Variants in ROBO2 observed in about 807,000 individuals in gnomAD.
The protein encoded by ROBO2 is roundabout guidance receptor 2.
A neutral mutation model predicts 160.8 loss-of-function variants in ROBO2; 53 were observed. That is an observed-to-expected ratio of 0.33 (90% CI 0.26 to 0.41). ROBO2 has a LOEUF of 0.41. Among genes scored for constraint, ROBO2 ranks in the 10% least tolerant of loss-of-function variants. The probability of loss-of-function intolerance (pLI) is 1.00; values close to 1 mark genes in which losing one functional copy is unlikely to be tolerated. For missense variants in ROBO2, 1,577 were observed against 1,722.4 expected, an observed-to-expected ratio of 0.92 and a Z score of 1.49; for synonymous variants, 664 against 611.7, an observed-to-expected ratio of 1.09 and a Z score of -1.26.
chr3:76,459,979 T>C (rs1388378994), intron 2 of ROBO2, among the ~76,000 whole-genome samples: 1 of 152,134 alleles, frequency 6.6e-6, no homozygotes, highest in African/African-American at 2.4e-5. Context: ...GAGAAGTATA[T>C]GAATGTAAGA....
At chr3:76,580,342 G>GTTTTTTTTTTTTTTTTTTT (rs71101901) in intron 2 of ROBO2, among the ~76,000 whole-genome samples, 3 of 90,560 alleles carry the variant, frequency 3.3e-5, no homozygotes, top group Non-Finnish European at 4.1e-5. Flanking sequence ...TTTTTTTTGT[G>GTTTTTTTTTTTTTTTTTTT]TTTTTTTTTT....
intron 2 of ROBO2, among the ~76,000 whole-genome samples, chr3:76,837,649 A>G (rs2067827149): frequency 6.6e-6 from 1 of 151,772 alleles, no homozygotes; most frequent in African/African-American, 2.4e-5. Flanking sequence ...ATATATTATT[A>G]ATATCGTTGT....
intron 2 of ROBO2, among the ~76,000 whole-genome samples, chr3:76,037,268 T>C (rs1359794325): frequency 2.0e-5 from 3 of 151,134 alleles, no homozygotes; most frequent in Non-Finnish European, 2.9e-5. Flanking sequence ...TTCTTTTTTT[T>C]TTTTTTTTAG....
At chr3:76,814,119 A>G (rs1417379039) in intron 2 of ROBO2, among the ~76,000 whole-genome samples, 2 of 152,152 alleles carry the variant, frequency 1.3e-5, no homozygotes, top group African/African-American at 4.8e-5. Context: ...AAAACGAAGT[A>G]TCCGTCTGGT....
intron 2 of ROBO2, among the ~76,000 whole-genome samples, chr3:75,960,045 T>G (rs1405195331): frequency 6.6e-6 from 1 of 151,718 alleles, no homozygotes; most frequent in Non-Finnish European, 1.5e-5. Flanking sequence ...AGTGAGGAGA[T>G]GCGAGCACCC....
At chr3:76,556,687 T>A (rs2083814489) in intron 2 of ROBO2, among the ~76,000 whole-genome samples, 1 of 152,144 alleles carries the variant, frequency 6.6e-6, no homozygotes, top group Admixed American at 6.5e-5. Flanking sequence ...GCCTTAGTTA[T>A]CAAAAGAAAT....
intron 2 of ROBO2, among the ~76,000 whole-genome samples, chr3:76,371,810 G>C (rs1034954232): frequency 1.3e-5 from 2 of 151,812 alleles, no homozygotes; most frequent in South Asian, 2.1e-4. Flanking sequence ...AATTTACTAA[G>C]GAATTCACAT....
intron 2 of ROBO2, among the ~76,000 whole-genome samples, chr3:76,203,493 T>C (rs1431508916): frequency 6.7e-6 from 1 of 149,058 alleles, no homozygotes; most frequent in Non-Finnish European, 1.5e-5. Context: ...AGATCACAGG[T>C]CAGGGTTCTA....
At position 77,248,720 on chromosome 3, in the gene ROBO2, C is replaced by T. The variant is rs1248715634; in HGVS notation, c.388+150380C>T. 5.3e-5 allele frequency among the ~76,000 whole-genome samples: 8 copies of T among 151,122 alleles called. No individual in the cohort carries two copies. In the East Asian group the frequency reaches 7.8e-4, roughly 15 times the overall value. Reference sequence around the variant, plus strand: ...GGGCCTGTGAGGTCCAGGGCCTGTGCGCTCCAGTTCCCGCCCACGAAGGGG... The same window carrying T: ...GGGCCTGTGAGGTCCAGGGCCTGTGTGCTCCAGTTCCCGCCCACGAAGGGG... On this transcript the variant is annotated intron_variant, in intron 2 of 25. Transcript: ENST00000461745.
intron 2 of ROBO2, among the ~76,000 whole-genome samples, chr3:76,174,653 G>A (rs2073162986): frequency 6.6e-6 from 1 of 152,116 alleles, no homozygotes; most frequent in Non-Finnish European, 1.5e-5. Context: ...TCTCAGGTTT[G>A]TCAAAGATCA....
intron 2 of ROBO2, among the ~76,000 whole-genome samples, chr3:76,035,204 T>C (rs201277276): frequency 1.4e-5 from 2 of 145,626 alleles, no homozygotes; most frequent in African/African-American, 2.7e-5. Flanking sequence ...TTTTTTTTTT[T>C]CTAAATCCTC....
At chr3:77,175,468 A>G (rs545484164) in intron 2 of ROBO2, among the ~76,000 whole-genome samples, 16 of 152,140 alleles carry the variant, frequency 1.1e-4, no homozygotes, top group Middle Eastern at 6.8e-3. Flanking sequence ...TTTAATTGGC[A>G]CACGATGAGG....
chr3:77,327,828 T>C (rs528381317), intron 2 of ROBO2, among the ~76,000 whole-genome samples: 245 of 152,106 alleles, frequency 1.6e-3, no homozygotes, highest in African/African-American at 5.7e-3. Context: ...GGTGGGTCGA[T>C]CACCTGAGGT....
chr3:76,876,703 G>T (rs745401901), intron 2 of ROBO2, among the ~76,000 whole-genome samples: 3 of 151,906 alleles, frequency 2.0e-5, no homozygotes, highest in Non-Finnish European at 4.4e-5. Flanking sequence ...TATCTTGAAG[G>T]TTAATTGTGA....
At chr3:76,410,085 C>T (rs1459487427) in intron 2 of ROBO2, among the ~76,000 whole-genome samples, 1 of 152,024 alleles carries the variant, frequency 6.6e-6, no homozygotes. Flanking sequence ...AAATCATAAT[C>T]TCAGTGTATT....
chr3:77,489,164 A>G (rs555538931), intron 4 of ROBO2, among the ~76,000 whole-genome samples: 82 of 152,332 alleles, frequency 5.4e-4, no homozygotes, highest in African/African-American at 1.9e-3. Flanking sequence ...TGGACAGCAC[A>G]TCCTAATACC....
rs142569296 is a variant in ROBO2 at position 76,806,850 on chromosome 3, A to C, written c.110-291164A>C. On this transcript the variant is annotated intron_variant, in intron 2 of 26. Coordinates refer to the ROBO2 transcript ENST00000487694. ...TGATTAATTTCTGCATATGATGAGA[A>C]TATGTATCACTTCCTTTATTGTCTT... 1.3e-3 allele frequency among the ~76,000 whole-genome samples: 193 copies of C among 152,178 alleles called. 3 individuals carry two copies. In the East Asian group the frequency reaches 0.031, roughly 24 times the overall value.
chr3:76,366,460 T>C (rs2075817304), intron 2 of ROBO2, among the ~76,000 whole-genome samples: 1 of 152,082 alleles, frequency 6.6e-6, no homozygotes, highest in African/African-American at 2.4e-5. Context: ...AATAAAGGAT[T>C]TATGAGCCTT....
chr3:76,530,126 C>A (rs768115128), intron 2 of ROBO2, among the ~76,000 whole-genome samples: 2 of 152,186 alleles, frequency 1.3e-5, no homozygotes, highest in Non-Finnish European at 2.9e-5. Flanking sequence ...CAGGCCTGCA[C>A]CTGCATGTCT....
Sources: allele counts gnomAD v4.1 joint callset (sites outside exome capture counted in the v4.1 genomes callset), GRCh38; gene constraint gnomAD v4.1.1; transcripts MANE v1.5; gene names NCBI Gene and HGNC (gene_info 2026-07-23, HGNC 2026-07-21).